CEMIP: variants seen among roughly 807,000 people sequenced by gnomAD.
CEMIP encodes cell migration-inducing and hyaluronan-binding protein.
In CEMIP, 105 loss-of-function variants were observed where a neutral mutation model predicts 156.9. The ratio of observed to expected loss-of-function variants is 0.67; its 90% CI spans 0.57 to 0.79. The LOEUF (loss-of-function observed/expected upper bound fraction) is 0.79, where lower values mean the gene tolerates loss of function less well. CEMIP is among the 30% of genes least tolerant of loss of function. CEMIP has a pLI of 0.00. For synonymous variants in CEMIP, 676 were observed against 668.4 expected (o/e 1.01, Z -0.17); for missense variants, 1,457 against 1,769.4 (o/e 0.82, Z 3.17).
chr15:80,943,460 C>CT (rs1235993066), intron 28 of CEMIP, among the ~76,000 whole-genome samples: 1 of 152,240 alleles, frequency 6.6e-6, no homozygotes, highest in African/African-American at 2.4e-5. Context: ...GATCTCCTTC[C>CT]TAAGCACCAG....
intron 12 of CEMIP, among the ~76,000 whole-genome samples, chr15:80,900,464 C>A (rs895740202): frequency 1.3e-5 from 2 of 152,052 alleles, no homozygotes; most frequent in African/African-American, 4.8e-5. Context: ...CCCCAGCCTA[C>A]CTCCCTCCCT....
intron 28 of CEMIP, among the ~76,000 whole-genome samples, chr15:80,944,061 T>C (rs561850671): frequency 6.6e-6 from 1 of 152,222 alleles, no homozygotes; most frequent in Non-Finnish European, 1.5e-5. Context: ...GGGTGGATCA[T>C]GAGGTCAGGA....
At chr15:80,800,579 T>G (rs1307952332) in intron 1 of CEMIP, among the ~76,000 whole-genome samples, 1 of 152,202 alleles carries the variant, frequency 6.6e-6, no homozygotes, top group Non-Finnish European at 1.5e-5. Context: ...ACTTTGGGAC[T>G]TTTTCCAAAA....
chr15:80,886,987 T>C (rs1219302632), intron 7 of CEMIP, among the ~76,000 whole-genome samples: 2 of 152,190 alleles, frequency 1.3e-5, no homozygotes, highest in Non-Finnish European at 2.9e-5. Context: ...GCTTGAAATA[T>C]TCAATATGCC....
chr15:80,913,945 G>T (rs547837203), intron 14 of CEMIP, among the ~76,000 whole-genome samples: 9 of 152,238 alleles, frequency 5.9e-5, no homozygotes, highest in Non-Finnish European at 2.9e-5. Context: ...CTGGTGTTCC[G>T]TAACACAGTT....
At chr15:80,844,235 C>T (rs1032310643) in intron 1 of CEMIP, among the ~76,000 whole-genome samples, 5 of 152,204 alleles carry the variant, frequency 3.3e-5, no homozygotes, top group Admixed American at 1.3e-4. Flanking sequence ...CCACCCCTGT[C>T]GCGCCCTCCC....
chr15:80,879,555 A>T (rs1184491643), intron 4 of CEMIP, among the ~76,000 whole-genome samples, 161 bp from the exon 5 acceptor site: 1 of 152,154 alleles, frequency 6.6e-6, no homozygotes, highest in Non-Finnish European at 1.5e-5. Context: ...CTGAGGGATG[A>T]CTTTACTTGT....
rs572584684 is a variant in CEMIP, at chr15:80,885,770, A to AT, written c.797+1419dup. On this transcript the variant is annotated intron_variant, in intron 7 of 29. Transcript: ENST00000394685. Reference sequence around the variant, plus strand: ...TTAAATGTGATAATATGAACAAAATATTTGTCATCATGTCTGGCACAGAAT... The same window carrying AT: ...TTAAATGTGATAATATGAACAAAATATTTTGTCATCATGTCTGGCACAGAAT... Among the ~76,000 whole-genome samples the AT allele has an allele frequency of 4.5e-4, 68 of 152,294 alleles. 1 individual carries two copies. The highest frequency in any genetic ancestry group is 3.9e-3 in the Admixed American group (60 of 15,300).
intron 1 of CEMIP, among the ~76,000 whole-genome samples, chr15:80,787,676 G>T: frequency 2.0e-5 from 3 of 152,274 alleles, no homozygotes; most frequent in Middle Eastern, 6.8e-3. Flanking sequence ...CCTTGGTTGC[G>T]CTGATCTCTT....
At chr15:80,834,432 C>T (rs1053841001) in intron 1 of CEMIP, among the ~76,000 whole-genome samples, 4 of 152,148 alleles carry the variant, frequency 2.6e-5, no homozygotes, top group African/African-American at 9.7e-5. Flanking sequence ...TCAGAGCTAC[C>T]ATCTACATTG....
chr15:80,880,865 G>C (rs778110456), intron 5 of CEMIP, 35 bp from the exon 6 acceptor site: 1 of 1,566,036 alleles, frequency 6.4e-7, no homozygotes, highest in African/African-American at 1.4e-5. Flanking sequence ...AAAGAGATGT[G>C]TCAGCCAACT....
At chr15:80,798,682 T>C (rs772491936) in intron 1 of CEMIP, among the ~76,000 whole-genome samples, 19 of 152,226 alleles carry the variant, frequency 1.2e-4, no homozygotes, top group Non-Finnish European at 1.6e-4. Flanking sequence ...TCATATCATA[T>C]ACCTATTGAT....
At chr15:80,836,789 G>C (rs1484586956) in intron 1 of CEMIP, among the ~76,000 whole-genome samples, 1 of 152,124 alleles carries the variant, frequency 6.6e-6, no homozygotes, top group Admixed American at 6.5e-5. Context: ...TTATCCAACA[G>C]GGCATTCAGC....
At position 80,880,923 on chromosome 15, in the gene CEMIP, A is replaced by C; in HGVS notation, c.404A>C (p.Asp135Ala). The stretch of plus-strand genomic sequence containing the variant: ...AGGGCTGATGAAGGTATTCAGCCGG[A>C]TCCTTACTATGGTCTGAAGTACATT... ...YGRADEGIQP[D>A]PYYGLKYIGV... Residue 135 changes from aspartate (D) to alanine (A), a missense_variant, in exon 6 of 30, where the codon GAT becomes GCT. By Grantham distance (126) the Asp-to-Ala change is moderately radical. Around this residue, in one of 5 missense-constraint regions of CEMIP, gnomAD observed 309 missense variants for 340.8 expected, o/e 0.91. Transcript: ENST00000394685. 1 of 1,614,132 alleles carries C rather than the reference A, an allele frequency of 6.2e-7. No homozygotes were observed. Among genetic ancestry groups the C allele is most frequent in the Non-Finnish European group, 8.5e-7 (1 of 1,180,012 alleles).
At chr15:80,835,767 G>A (rs1897258428) in intron 1 of CEMIP, among the ~76,000 whole-genome samples, 1 of 152,172 alleles carries the variant, frequency 6.6e-6, no homozygotes, top group Non-Finnish European at 1.5e-5. Context: ...GCAGGCTGGT[G>A]CTATGATCAT....
chr15:80,814,988 C>T (rs567905753), intron 1 of CEMIP, among the ~76,000 whole-genome samples: 6 of 152,320 alleles, frequency 3.9e-5, no homozygotes, highest in South Asian at 2.1e-4. Context: ...GCCAGCCCAA[C>T]GGTTGCACTT....
chr15:80,940,831 C>T (rs1233971993), intron 25 of CEMIP, among the ~76,000 whole-genome samples: 1 of 152,186 alleles, frequency 6.6e-6, no homozygotes, highest in Non-Finnish European at 1.5e-5. Flanking sequence ...CCCATGTTCA[C>T]ACACATACGC....
At chr15:80,933,518 C>A in intron 23 of CEMIP, 58 bp downstream of exon 23, 2 of 1,320,376 alleles carry the variant, frequency 1.5e-6, no homozygotes, top group Non-Finnish European at 2.2e-6. Context: ...AACAAGCATT[C>A]AGTGAGTGTC....
rs373483971 is a variant in CEMIP at position 80,850,229 on chromosome 15, G to A, written c.-175-23309G>A. ...CTGGCCGGGGAGTGATTCCTAGTCAGGGGTTTTGGGCATGTGTAGAAGGAC... is the reference window on the plus strand; with the variant it reads ...CTGGCCGGGGAGTGATTCCTAGTCAAGGGTTTTGGGCATGTGTAGAAGGAC... On this transcript the variant is annotated intron_variant, in intron 1 of 29. Transcript: ENST00000394685. Among the ~76,000 whole-genome samples the A allele has an allele frequency of 3.3e-5, 5 of 152,118 alleles. No homozygotes were observed. The East Asian group carries it at 7.7e-4, about 23-fold the overall frequency.
Sources: gnomAD v4.1 joint callset for allele counts (sites outside exome capture counted in the v4.1 genomes callset) on GRCh38, gnomAD v4.1.1 for gene constraint, gnomAD v4.1.1 regional missense constraint, MANE v1.5 for transcripts, NCBI Gene and HGNC (gene_info 2026-07-23, HGNC 2026-07-21) for gene names.